The following GRIP1 variants were observed in gnomAD, a reference collection of about 807,000 sequenced individuals.
GRIP1 encodes glutamate receptor interacting protein 1.
GRIP1 carries 45 observed loss-of-function variants against 129.9 expected under a neutral mutation model. That is an observed-to-expected ratio of 0.35 (90% CI 0.27 to 0.44). The LOEUF is 0.44. Ranked by LOEUF, GRIP1 falls within the 20% of genes least tolerant of loss-of-function variation. GRIP1 has a pLI of 1.00. For synonymous variants in GRIP1, 530 were observed against 520.8 expected, an observed-to-expected ratio of 1.02 and a Z score of -0.24; for missense variants, 1,196 against 1,396.8, an observed-to-expected ratio of 0.86 and a Z score of 2.29.
chr12:66,669,728 C>T (rs552864745), intron 1 of GRIP1, among the ~76,000 whole-genome samples: 11 of 152,246 alleles, frequency 7.2e-5, no homozygotes, highest in Non-Finnish European at 1.2e-4. Context: ...TGTAAATACT[C>T]CCACTATGGC....
intron 2 of GRIP1, among the ~76,000 whole-genome samples, chr12:66,577,541 T>C (rs1331409766): frequency 6.6e-6 from 1 of 152,212 alleles, no homozygotes. Flanking sequence ...TGATTTATAA[T>C]ATTGATGAGA....
chr12:66,783,722 C>A (rs2038230486), intron 1 of GRIP1, among the ~76,000 whole-genome samples: 1 of 152,080 alleles, frequency 6.6e-6, no homozygotes, highest in Admixed American at 6.5e-5. Flanking sequence ...TAGGTAACCA[C>A]TTATACCTTA....
chr12:67,019,467 A>C (rs1339954982), intron 1 of GRIP1, among the ~76,000 whole-genome samples: 1 of 152,236 alleles, frequency 6.6e-6, no homozygotes, highest in Non-Finnish European at 1.5e-5. Context: ...AGTATGTTAA[A>C]GATGTACATC....
Position 66,348,189 on chromosome 12 carries a change from A to G in GRIP1, c.*830T>C, listed in dbSNP as rs1290151598. 3 of 152,206 alleles carry G rather than the reference A, an allele frequency of 2.0e-5. No individual in the cohort carries two copies. In the East Asian group the frequency reaches 5.8e-4, roughly 29 times the overall value. 9.4% of individuals were successfully genotyped at this position (152,206 alleles called of 1,614,324 possible). ...CAAGCAGTATGAGTTTGGTTTGCCT[A>G]TCATTAAGATGAACCTCATTTTAAT... is the stretch of plus-strand genomic sequence containing the variant. On this transcript the variant is annotated 3_prime_UTR_variant, in exon 25 of 25. Transcript: ENST00000359742.
intron 1 of GRIP1, among the ~76,000 whole-genome samples, chr12:66,605,301 G>T (rs905056324): frequency 6.6e-6 from 1 of 152,022 alleles, no homozygotes; most frequent in South Asian, 2.1e-4. Flanking sequence ...GAACGTTTTT[G>T]GATTTCTAAT....
upstream of GRIP1, among the ~76,000 whole-genome samples, chr12:66,680,258 C>T (rs4357776): frequency 0.69 from 104,928 of 152,118 alleles, 37,088 homozygotes; most frequent in African/African-American, 0.85. Flanking sequence ...TAACTTCCAA[C>T]ATTCCAAATT....
intron 7 of GRIP1, among the ~76,000 whole-genome samples, chr12:66,466,132 C>T (rs2059279687): frequency 6.6e-6 from 1 of 152,216 alleles, no homozygotes. Context: ...CTAACATTTG[C>T]ATACTCAATG....
intron 1 of GRIP1, among the ~76,000 whole-genome samples, chr12:66,974,392 T>C (rs1359360780): frequency 6.6e-6 from 1 of 152,212 alleles, no homozygotes; most frequent in East Asian, 1.9e-4. Context: ...ATTTGTTAAC[T>C]TATTTATTGA....
intron 1 of GRIP1, among the ~76,000 whole-genome samples, chr12:66,690,485 A>C (rs889118251): frequency 6.6e-6 from 1 of 151,672 alleles, no homozygotes; most frequent in African/African-American, 2.4e-5. Context: ...ATTAACACGG[A>C]GGGTACAGGT....
intron 1 of GRIP1, among the ~76,000 whole-genome samples, chr12:66,695,871 A>G (rs1159824994): frequency 6.6e-6 from 1 of 152,158 alleles, no homozygotes; most frequent in Non-Finnish European, 1.5e-5. Context: ...TAGTGAGAAG[A>G]ATGGATAAAT....
At chr12:66,640,286 T>A (rs1368179051) in intron 1 of GRIP1, among the ~76,000 whole-genome samples, 2 of 152,220 alleles carry the variant, frequency 1.3e-5, no homozygotes, top group African/African-American at 4.8e-5. Context: ...ACTCTATCCC[T>A]CTAATTCCAA....
At chr12:66,809,999 C>T (rs1052691017) in intron 1 of GRIP1, among the ~76,000 whole-genome samples, 7 of 152,016 alleles carry the variant, frequency 4.6e-5, no homozygotes, top group African/African-American at 1.7e-4. Context: ...TTTAATAATA[C>T]ATATTTCAAA....
intron 1 of GRIP1, among the ~76,000 whole-genome samples, chr12:67,057,694 C>A (rs1370252331): frequency 6.6e-6 from 1 of 152,186 alleles, no homozygotes; most frequent in Non-Finnish European, 1.5e-5. Context: ...ATATGTATAT[C>A]AGCATTCAGG....
At chr12:66,424,848 AGAGTTTGCT>A (rs2057928864) in intron 14 of GRIP1, among the ~76,000 whole-genome samples, 1 of 152,196 alleles carries the variant, frequency 6.6e-6, no homozygotes, top group African/African-American at 2.4e-5. Context: ...GAATTCTATC[AGAGTTTGCT>A]AATCTGTCTG....
intron 1 of GRIP1, among the ~76,000 whole-genome samples, chr12:66,883,188 C>T (rs2040508892): frequency 1.3e-5 from 2 of 152,142 alleles, no homozygotes; most frequent in African/African-American, 4.8e-5. Context: ...CATAATGCCA[C>T]TCTCCTTTGG....
At chr12:66,769,979 G>A (rs1345937413) in intron 1 of GRIP1, among the ~76,000 whole-genome samples, 1 of 152,170 alleles carries the variant, frequency 6.6e-6, no homozygotes, top group Non-Finnish European at 1.5e-5. Context: ...AGCTATTCAA[G>A]TATGGCATTT....
At position 66,353,561 on chromosome 12, in the gene GRIP1, C is replaced by A; in HGVS notation, c.3015G>T (p.Val1005=). 1 of 1,613,900 alleles carries A rather than the reference C, an allele frequency of 6.2e-7. No individual in the cohort carries two copies. Among genetic ancestry groups the A allele is most frequent in the Non-Finnish European group, 8.5e-7 (1 of 1,179,772 alleles). ...CCATGTCAGAGTCCTTGTACAAGGT[C>A]ACCTGAAGAGAGAAAATGGGATGTG... ...MSPTPVELHK[V]TLYKDSDMED... Residue 1005 remains valine, a splice_region_variant and synonymous_variant, in exon 24 of 25, where the codon GTG becomes GTT. Transcript: ENST00000359742.
chr12:66,453,333 T>C (rs1170620945), intron 11 of GRIP1, among the ~76,000 whole-genome samples: 1 of 152,218 alleles, frequency 6.6e-6, no homozygotes, highest in Non-Finnish European at 1.5e-5. Context: ...TTCATTTTAA[T>C]TGCTCTTCCC....
chr12:66,386,767 A>G lies in GRIP1; in HGVS notation c.2464+5541T>C, dbSNP rs143947021. ...AAGAGAGCCAGTTAATTCGCTGCCA[A>G]ATTTGTTTTCTAAAGACCCAGTTTT... is the stretch of plus-strand genomic sequence containing the variant. On this transcript the variant is annotated intron_variant, in intron 19 of 24. Coordinates refer to ENST00000359742, the MANE Select transcript of GRIP1 (RefSeq NM_001366722.1). Among the ~76,000 whole-genome samples the G allele has an allele frequency of 6.9e-3, 1,050 of 152,340 alleles. 9 individuals are homozygous for G. Among genetic ancestry groups the G allele is most frequent in the Non-Finnish European group, 9.8e-3 (666 of 68,024 alleles).
Sources: allele counts gnomAD v4.1 joint callset (sites outside exome capture counted in the v4.1 genomes callset), GRCh38; gene constraint gnomAD v4.1.1; transcripts MANE v1.5; gene names NCBI Gene and HGNC (gene_info 2026-07-23, HGNC 2026-07-21).